The following IPO9 variants were observed in gnomAD, a reference collection of about 807,000 sequenced individuals.
IPO9 encodes importin-9.
A neutral mutation model predicts 128.6 loss-of-function variants in IPO9; 28 were observed. That is an observed-to-expected ratio of 0.22 (90% CI 0.16 to 0.30). The LOEUF (loss-of-function observed/expected upper bound fraction) is 0.30. IPO9 is among the 10% of genes least tolerant of loss of function. The probability of loss-of-function intolerance (pLI) is 1.00; values close to 1 mark genes in which losing one functional copy is unlikely to be tolerated. For synonymous variants in IPO9, 455 were observed against 475.8 expected (o/e 0.96, Z 0.57); for missense variants, 935 against 1,293.9 (o/e 0.72, Z 4.26).
intron 19 of IPO9, among the ~76,000 whole-genome samples, chr1:201,871,876 G>A (rs1000486207): frequency 1.3e-5 from 2 of 152,164 alleles, no homozygotes; most frequent in African/African-American, 4.8e-5. Flanking sequence ...CTGTTTACAA[G>A]AGATCCCTTC....
chr1:201,849,661 C>G (rs1201366957), intron 4 of IPO9, among the ~76,000 whole-genome samples: 1 of 152,176 alleles, frequency 6.6e-6, no homozygotes, highest in Non-Finnish European at 1.5e-5. Flanking sequence ...AATATCAACT[C>G]TTTGTCAAAT....
chr1:201,830,133 C>A (rs573974889), intron 1 of IPO9, among the ~76,000 whole-genome samples: 1 of 152,146 alleles, frequency 6.6e-6, no homozygotes, highest in African/African-American at 2.4e-5. Context: ...GCCGCGTGAG[C>A]CTTTCACCGG....
chr1:201,862,645 A>C (rs529484490), intron 13 of IPO9, among the ~76,000 whole-genome samples: 20 of 151,660 alleles, frequency 1.3e-4, no homozygotes, highest in Admixed American at 1.1e-3. Context: ...CATCTCTACT[A>C]AAAATACAAA....
At position 201,876,037 on chromosome 1, in the gene IPO9, C is replaced by G; in HGVS notation, c.3109C>G (p.Gln1037Glu). The part of the protein sequence containing the change: ...HLNDNERRVL[Q>E]TIGI ...TAATGACAATGAGAGGCGAGTTCTA[C>G]AGACCATCGGCATCTAAAAAGGGGA... The change falls in exon 24 of 24, where the codon CAG (glutamine) becomes GAG (glutamate). Residue 1037 changes from glutamine to glutamate, a missense_variant. Physicochemically the swap from Gln to Glu is conservative, Grantham distance 29. Transcript: ENST00000361565. The G allele has an allele frequency of 6.2e-7, 1 of 1,611,294 alleles. No individual in the cohort carries two copies. Among genetic ancestry groups the G allele is most frequent in the Non-Finnish European group, 8.5e-7 (1 of 1,177,398 alleles).
At chr1:201,852,576 C>A (rs1290143127) in intron 5 of IPO9, among the ~76,000 whole-genome samples, 1 of 152,024 alleles carries the variant, frequency 6.6e-6, no homozygotes, top group Non-Finnish European at 1.5e-5. Context: ...TAATATATTG[C>A]ATATATATTT....
chr1:201,864,212 C>G (rs1558222830), intron 14 of IPO9, among the ~76,000 whole-genome samples: 1 of 152,186 alleles, frequency 6.6e-6, no homozygotes, highest in African/African-American at 2.4e-5. Context: ...CCTGCCCTGT[C>G]TTATCTTTTG....
Position 201,857,112 on chromosome 1 carries a change from C to CCG in IPO9, c.1140_1141insGC (p.Asn381AlafsTer7). 6.2e-7 allele frequency: 1 copy of CCG among 1,609,444 alleles called. No homozygotes were observed. Among genetic ancestry groups the CCG allele is most frequent in the Non-Finnish European group, 8.5e-7 (1 of 1,175,748 alleles). On this transcript the variant is annotated frameshift_variant, in exon 11 of 24. Coordinates refer to ENST00000361565, the MANE Select transcript of IPO9 (RefSeq NM_018085.5). LOFTEE classifies it high-confidence loss of function. ...TCTTTTCAGATTAAAGTATGGACAG[C>CCG]CAACCCCCAACAATTTGTAGAAGAT...
Position 201,874,267 on chromosome 1 carries a change from A to G in IPO9, c.2728A>G (p.Asn910Asp). 1 of 1,613,872 alleles carries G rather than the reference A, an allele frequency of 6.2e-7. No individual in the cohort carries two copies. The highest frequency in any genetic ancestry group is 8.5e-7 in the Non-Finnish European group (1 of 1,179,856). The change falls in exon 21 of 24, where the codon AAC becomes GAC. Residue 910 changes from asparagine (N) to aspartate (D), a missense_variant. Coordinates refer to ENST00000361565, the MANE Select transcript of IPO9 (RefSeq NM_018085.5). ...CTTCCCAGACCCAGAACGCTGGACAAACATTCCTTTGCTGGTCAAGATCCT... is the reference window on the plus strand; with the variant it reads ...CTTCCCAGACCCAGAACGCTGGACAGACATTCCTTTGCTGGTCAAGATCCT... ...KSAKNPERWT[N>D]IPLLVKILKL...
intron 21 of IPO9, 39 bp downstream of exon 21, chr1:201,874,411 G>A: frequency 6.4e-7 from 1 of 1,570,220 alleles, no homozygotes; most frequent in East Asian, 2.3e-5. Flanking sequence ...TTTTAGCCTG[G>A]CAGATCAAGT....
At chr1:201,841,423 T>C (rs1490464791) in intron 1 of IPO9, among the ~76,000 whole-genome samples, 1 of 152,206 alleles carries the variant, frequency 6.6e-6, no homozygotes, top group Admixed American at 6.5e-5. Context: ...AAGAGTAGAA[T>C]GAACCTCGAG....
At chr1:201,869,986 A>G (rs1355028556) in intron 17 of IPO9, among the ~76,000 whole-genome samples, 1 of 152,218 alleles carries the variant, frequency 6.6e-6, no homozygotes, top group African/African-American at 2.4e-5. Flanking sequence ...ACAGACATCT[A>G]GACTTGGGGC....
chr1:201,861,091 A>G lies in IPO9; in HGVS notation c.1468+2097A>G, dbSNP rs548569636. ...TGAGGTAGAGGAATTGCTTGAACCC[A>G]GGAGGCGGAGGTTGCAGTGAGCCGA... On this transcript the variant is annotated intron_variant, in intron 13 of 23. Transcript: ENST00000361565. Among the ~76,000 whole-genome samples the G allele has an allele frequency of 2.9e-4, 44 of 152,310 alleles. 1 individual carries two copies. The South Asian group carries it at 6.4e-3, about 22-fold the overall frequency.
intron 14 of IPO9, among the ~76,000 whole-genome samples, chr1:201,864,762 C>T (rs577861607): frequency 4.7e-4 from 71 of 152,304 alleles, no homozygotes; most frequent in African/African-American, 1.5e-3. Flanking sequence ...GATTAGAGTA[C>T]AAAGAACTTT....
chr1:201,858,695 T>A, intron 12 of IPO9, 142 bp downstream of exon 12: 1 of 810,176 alleles, frequency 1.2e-6, no homozygotes, highest in Non-Finnish European at 1.9e-6. Context: ...TATTAAAATT[T>A]CACTCTTTTC....
chr1:201,881,459 A>G lies in IPO9; in HGVS notation c.*5405A>G, dbSNP rs187573849. 1 of 152,356 alleles carries G rather than the reference A, an allele frequency of 6.6e-6. No individual in the cohort carries two copies. Among genetic ancestry groups the G allele is most frequent in the African/African-American group, 2.4e-5 (1 of 41,588 alleles). The allele number at this position is 152,356 out of a possible 1,614,324, so 9.4% of individuals were successfully genotyped here. ...TTTGCCAGGCAGATGAGAGTGGGGT[A>G]AGACATTGCAGAGAAAAAGTAAGAA... On this transcript the variant is annotated 3_prime_UTR_variant, in exon 24 of 24. Coordinates refer to ENST00000361565, the MANE Select transcript of IPO9 (RefSeq NM_018085.5).
chr1:201,864,758 A>G (rs564125392), intron 14 of IPO9, among the ~76,000 whole-genome samples: 1 of 152,378 alleles, frequency 6.6e-6, no homozygotes, highest in Non-Finnish European at 1.5e-5. Flanking sequence ...GGGAGATTAG[A>G]GTACAAAGAA....
chr1:201,855,204 T>A, intron 9 of IPO9, 22 bp downstream of exon 9: 1 of 1,490,084 alleles, frequency 6.7e-7, no homozygotes, highest in Non-Finnish European at 9.3e-7. Flanking sequence ...ATTTGATCTT[T>A]ATAGAAATAC....
At chr1:201,867,246 G>A (rs900331805) in intron 15 of IPO9, among the ~76,000 whole-genome samples, 16 of 152,118 alleles carry the variant, frequency 1.1e-4, no homozygotes, top group African/African-American at 3.9e-4. Flanking sequence ...TCAGAACTTT[G>A]ATGATAGAAT....
Position 201,857,130 on chromosome 1 carries a change from T to C in IPO9, c.1157T>C (p.Val386Ala). The C allele has an allele frequency of 6.2e-7, 1 of 1,613,260 alleles. No individual in the cohort carries two copies. The highest frequency in any genetic ancestry group is 2.2e-5 in the East Asian group (1 of 44,874). The change falls in exon 11 of 24, where the codon GTA becomes GCA. Residue 386 changes from valine to alanine, a missense_variant. Physicochemically the swap from Val to Ala is moderately conservative, Grantham distance 64 (BLOSUM62 0). Transcript: ENST00000361565. ...KVWTANPQQF[V>A]EDEDDDTFSY... The stretch of plus-strand genomic sequence containing the variant: ...TGGACAGCCAACCCCCAACAATTTG[T>C]AGAAGATGAAGATGATGATACATTC...
Sources: gnomAD v4.1 joint callset for allele counts (sites outside exome capture counted in the v4.1 genomes callset) on GRCh38, gnomAD v4.1.1 for gene constraint, MANE v1.5 for transcripts, NCBI Gene and HGNC (gene_info 2026-07-23, HGNC 2026-07-21) for gene names.